Variants in RHEX observed in about 807,000 individuals in gnomAD.
The protein encoded by RHEX is regulator of hemoglobinization and erythroid cell expansion, also known as regulator of hemoglobinization and erythroid cell expansion protein.
RHEX carries 18 observed loss-of-function variants against 20.1 expected under a neutral mutation model. That is an observed-to-expected ratio of 0.90 (90% confidence interval 0.62 to 1.33). RHEX has a LOEUF of 1.33. Ranked by LOEUF, RHEX falls within the 40% of genes most tolerant of loss-of-function variation. RHEX has a pLI of 0.00. For synonymous variants in RHEX, 87 were observed against 77.1 expected, an observed-to-expected ratio of 1.13 and a Z score of -0.67; for missense variants, 192 against 214.3, an observed-to-expected ratio of 0.90 and a Z score of 0.65.
At chr1:206,081,028 C>T (rs984184410) in intron 1 of RHEX, among the ~76,000 whole-genome samples, 7 of 151,860 alleles carry the variant, frequency 4.6e-5, no homozygotes, top group East Asian at 3.9e-4. Flanking sequence ...AGCAAAACCT[C>T]GTCTCTATAT....
intron 1 of RHEX, among the ~76,000 whole-genome samples, chr1:206,074,150 G>C (rs782074196): frequency 6.6e-6 from 1 of 152,086 alleles, no homozygotes; most frequent in Non-Finnish European, 1.5e-5. Context: ...ATCAGAGTTG[G>C]GACCTTCTCT....
In RHEX at chr1:206,058,040, C is replaced by T. The variant is rs146542517; in HGVS notation, c.-97+4775C>T. Among the ~76,000 whole-genome samples, 266 of 152,330 alleles carry T rather than the reference C, an allele frequency of 1.7e-3. 2 individuals are homozygous for T. Among genetic ancestry groups the T allele is most frequent in the African/African-American group, 6.3e-3 (260 of 41,532 alleles). Reference sequence around the variant, plus strand: ...GGAGTTTGTGAAAAATTTGACCTTACTAATTATTGTCTACACATAGATGAT... The same window carrying T: ...GGAGTTTGTGAAAAATTTGACCTTATTAATTATTGTCTACACATAGATGAT... On this transcript the variant is annotated intron_variant, in intron 1 of 5. Transcript: ENST00000331555.
rs1168583018 is a variant in RHEX, at chr1:206,064,683, C to T, written c.-97+11418C>T. 4.6e-5 allele frequency among the ~76,000 whole-genome samples: 7 copies of T among 150,884 alleles called. No individual in the cohort carries two copies. The East Asian group carries it at 9.9e-4, about 21-fold the overall frequency. ...GGTCAGCCCCCCGCCCGGCCAGCCG[C>T]CCCATCCGGGAGGTGAGGGGTGCCT... On this transcript the variant is annotated intron_variant, in intron 1 of 5. Coordinates refer to ENST00000331555, the MANE Select transcript of RHEX (RefSeq NM_001007544.4).
Position 206,102,180 on chromosome 1 carries a change from G to C in RHEX, c.*228G>C. 3.6e-6 allele frequency: 2 copies of C among 553,706 alleles called. No individual in the cohort carries two copies. The highest frequency in any genetic ancestry group is 6.4e-6 in the Non-Finnish European group (2 of 311,354). 34.3% of individuals were successfully genotyped at this position (553,706 alleles called of 1,614,324 possible). ...TTCGTTCCTCAAAAACAAAAACAAGGCTTGGCTGGGAAAACAGGCCAATGC... is the reference window on the plus strand; with the variant it reads ...TTCGTTCCTCAAAAACAAAAACAAGCCTTGGCTGGGAAAACAGGCCAATGC... On this transcript the variant is annotated 3_prime_UTR_variant, in exon 6 of 6. Coordinates refer to ENST00000331555, the MANE Select transcript of RHEX (RefSeq NM_001007544.4).
rs1349261552 is a variant in RHEX at position 206,085,806 on chromosome 1, G to C, written c.-96-11927G>C. 2.0e-5 allele frequency among the ~76,000 whole-genome samples: 3 copies of C among 152,246 alleles called. No individual in the cohort carries two copies. The East Asian group carries it at 5.8e-4, about 29-fold the overall frequency. ...TTTAGCCCACTCCTCTCATTTTATAGACAGGGGAACTGAGGCTCAGGGAGA... is the reference window on the plus strand; with the variant it reads ...TTTAGCCCACTCCTCTCATTTTATACACAGGGGAACTGAGGCTCAGGGAGA... On this transcript the variant is annotated intron_variant, in intron 1 of 5. Coordinates refer to ENST00000331555, the MANE Select transcript of RHEX (RefSeq NM_001007544.4).
chr1:206,079,467 C>T (rs1424643421), intron 1 of RHEX, among the ~76,000 whole-genome samples: 1 of 152,140 alleles, frequency 6.6e-6, no homozygotes, highest in African/African-American at 2.4e-5. Flanking sequence ...GTACCCATCA[C>T]AGTGTAGTTG....
chr1:206,076,489 TTC>T (rs1662639173), intron 1 of RHEX, among the ~76,000 whole-genome samples: 1 of 152,240 alleles, frequency 6.6e-6, no homozygotes, highest in Non-Finnish European at 1.5e-5. Flanking sequence ...TATGCTTGGT[TTC>T]ATAAACCTTT....
At chr1:206,075,843 C>G (rs1159065801) in intron 1 of RHEX, among the ~76,000 whole-genome samples, 2 of 152,078 alleles carry the variant, frequency 1.3e-5, no homozygotes, top group African/African-American at 4.8e-5. Context: ...CTCAAGTGAT[C>G]CACCCGCCTC....
rs185542488 is a variant in RHEX, at chr1:206,067,711, C to T, written c.-97+14446C>T. On this transcript the variant is annotated intron_variant, in intron 1 of 5. Transcript: ENST00000331555. The surrounding 1 kb of genome is among the most constrained non-coding windows in gnomAD (Gnocchi z 4.6). ...GCACAACCTCATTCTGCACATACCCCCTCCAGTACAACCCTAGAAAACTTC... is the reference window on the plus strand; with the variant it reads ...GCACAACCTCATTCTGCACATACCCTCTCCAGTACAACCCTAGAAAACTTC... Among the ~76,000 whole-genome samples the T allele has an allele frequency of 1.7e-3, 266 of 152,308 alleles. No homozygotes were observed. The highest frequency in any genetic ancestry group is 6.0e-3 in the African/African-American group (251 of 41,558).
chr1:206,066,262 T>C (rs1027035296), intron 1 of RHEX, among the ~76,000 whole-genome samples: 2 of 152,240 alleles, frequency 1.3e-5, no homozygotes, highest in Non-Finnish European at 2.9e-5. Flanking sequence ...TATAGGGGTG[T>C]CTACTTAAAA....
chr1:206,101,060 C>T (rs28523378), intron 4 of RHEX, 76 bp from the exon 5 acceptor site: 135,710 of 1,144,788 alleles, frequency 0.12, 10,783 homozygotes, highest in African/African-American at 0.34. Context: ...AGACAATTCT[C>T]CCTTCCATTG....
chr1:206,079,573 T>G (rs1662698826), intron 1 of RHEX, among the ~76,000 whole-genome samples: 1 of 152,150 alleles, frequency 6.6e-6, no homozygotes, highest in Admixed American at 6.5e-5. Context: ...TCTATTTTTT[T>G]TAGATGGAGT....
Position 206,101,975 on chromosome 1 carries a change from T to C in RHEX, c.*23T>C. ...TGAATTCCAAATATTTTTAATGGGG[T>C]CCAGTTCTCTATGGATTCTTACATT... On this transcript the variant is annotated 3_prime_UTR_variant, in exon 6 of 6. Coordinates refer to ENST00000331555, the MANE Select transcript of RHEX (RefSeq NM_001007544.4). 1.9e-6 allele frequency: 3 copies of C among 1,546,838 alleles called. No individual in the cohort carries two copies. The highest frequency in any genetic ancestry group is 2.7e-6 in the Non-Finnish European group (3 of 1,119,616).
chr1:206,097,545 T>A, intron 1 of RHEX, 188 bp from the exon 2 acceptor site: 1 of 513,352 alleles, frequency 1.9e-6, no homozygotes, highest in Non-Finnish European at 3.5e-6. Flanking sequence ...AAATGTTAAG[T>A]GCACTTTACT....
intron 1 of RHEX, among the ~76,000 whole-genome samples, chr1:206,080,982 T>TACACAC (rs71152465): frequency 1.0e-3 from 151 of 149,906 alleles, no homozygotes; most frequent in African/African-American, 3.4e-3. Flanking sequence ...TTTTTGTACA[T>TACACAC]ACACACACAC....
chr1:206,069,214 G>T (rs1433841791), intron 1 of RHEX, among the ~76,000 whole-genome samples: 2 of 152,212 alleles, frequency 1.3e-5, no homozygotes, highest in African/African-American at 4.8e-5. Flanking sequence ...CCTGGGTGGG[G>T]AACATGCTAC....
At chr1:206,100,645 T>A (rs1553288268) in intron 4 of RHEX, among the ~76,000 whole-genome samples, 1 of 152,100 alleles carries the variant, frequency 6.6e-6, no homozygotes, top group Non-Finnish European at 1.5e-5. Context: ...AGACTCTTGT[T>A]CAACCCTCTT....
chr1:206,098,929 A>G (rs1553288057), intron 3 of RHEX, among the ~76,000 whole-genome samples: 1 of 152,206 alleles, frequency 6.6e-6, no homozygotes, highest in East Asian at 1.9e-4. Flanking sequence ...AGTGCTAGGG[A>G]GGAAAAATGG....
chr1:206,098,357 T>A, intron 3 of RHEX, 176 bp downstream of exon 3: 1 of 590,374 alleles, frequency 1.7e-6, no homozygotes, highest in Non-Finnish European at 3.1e-6. Flanking sequence ...ATCTGGGTAA[T>A]CCCCACTCTG....
Sources: gnomAD v4.1 joint callset for allele counts (sites outside exome capture counted in the v4.1 genomes callset) on GRCh38, gnomAD v4.1.1 for gene constraint, Gnocchi (gnomAD v3.1) non-coding constraint, MANE v1.5 for transcripts, NCBI Gene and HGNC (gene_info 2026-07-23, HGNC 2026-07-21) for gene names.